The following ABTB3 variants were observed in gnomAD, a reference collection of about 807,000 sequenced individuals.
ABTB3 encodes the protein ankyrin repeat and BTB domain containing 3.
chr12:107,340,125 C>A, the ABTB3 span, among the ~76,000 whole-genome samples: 1 of 152,010 alleles, frequency 6.6e-6, no homozygotes, highest in Non-Finnish European at 1.5e-5. Context: ...ATTATGCTGA[C>A]TTCACATTAA....
chr12:107,533,668 A>G, the ABTB3 span, among the ~76,000 whole-genome samples: 8 of 152,366 alleles, frequency 5.3e-5, 1 homozygote, highest in Admixed American at 5.2e-4. Context: ...ACTGCAATAC[A>G]ATAATAGTAG....
the ABTB3 span, among the ~76,000 whole-genome samples, chr12:107,383,492 G>A: frequency 6.6e-6 from 1 of 152,150 alleles, no homozygotes; most frequent in Non-Finnish European, 1.5e-5. Context: ...TGTAAAATGA[G>A]GATAACCATA....
chr12:107,391,038 C>T, the ABTB3 span, among the ~76,000 whole-genome samples: 2 of 152,166 alleles, frequency 1.3e-5, no homozygotes, highest in African/African-American at 4.8e-5. Flanking sequence ...GTAATCCCAG[C>T]TACTTGGGAG....
At chr12:107,627,639 C>T in the ABTB3 span, among the ~76,000 whole-genome samples, 2 of 152,150 alleles carry the variant, frequency 1.3e-5, no homozygotes. Context: ...ACATAGCCTG[C>T]AGCCATGGTG....
chr12:107,481,627 G>A, the ABTB3 span, among the ~76,000 whole-genome samples: 1 of 152,118 alleles, frequency 6.6e-6, no homozygotes, highest in Non-Finnish European at 1.5e-5. Flanking sequence ...GTATCCATGA[G>A]GACTCTTCCA....
chr12:107,318,905 G>A, the ABTB3 span: 2 of 1,546,292 alleles, frequency 1.3e-6, no homozygotes, highest in Non-Finnish European at 1.8e-6. Context: ...CCTTCCCTTT[G>A]GCTCCCAGGC....
the ABTB3 span, among the ~76,000 whole-genome samples, chr12:107,513,966 C>A: frequency 6.6e-6 from 1 of 152,220 alleles, no homozygotes; most frequent in South Asian, 2.1e-4. Context: ...CCATTTGAAT[C>A]CAGACATTAA....
the ABTB3 span, among the ~76,000 whole-genome samples, chr12:107,630,248 G>A: frequency 6.6e-6 from 1 of 152,314 alleles, no homozygotes; most frequent in Middle Eastern, 3.4e-3. Context: ...GAACCAGCCA[G>A]TGCTTGGCAT....
the ABTB3 span, among the ~76,000 whole-genome samples, chr12:107,545,896 C>A: frequency 6.6e-6 from 1 of 152,258 alleles, no homozygotes; most frequent in Non-Finnish European, 1.5e-5. Flanking sequence ...GCTCAGCTCC[C>A]TCATGTCATC....
chr12:107,473,543 G>A, the ABTB3 span, among the ~76,000 whole-genome samples: 7 of 152,116 alleles, frequency 4.6e-5, no homozygotes, highest in Admixed American at 1.3e-4. Context: ...TAATAGAGAC[G>A]GGGTTTCACC....
At chr12:107,623,358 CTTTTTTTTTT>C in the ABTB3 span, among the ~76,000 whole-genome samples, 26 of 69,622 alleles carry the variant, frequency 3.7e-4, no homozygotes, top group Non-Finnish European at 6.2e-4. Flanking sequence ...CACGCCTGGC[CTTTTTTTTTT>C]TTTTTTTTTT....
the ABTB3 span, among the ~76,000 whole-genome samples, chr12:107,529,848 A>G: frequency 6.6e-6 from 1 of 152,174 alleles, no homozygotes; most frequent in African/African-American, 2.4e-5. Context: ...AGGACAATGG[A>G]TGAGGCATGG....
chr12:107,630,047 G>A, the ABTB3 span, among the ~76,000 whole-genome samples: 3 of 152,296 alleles, frequency 2.0e-5, no homozygotes, highest in East Asian at 5.8e-4. Context: ...ACTGCCTGGA[G>A]GAGGAGCACT....
chr12:107,649,344 C>A, the ABTB3 span: 1 of 1,402,222 alleles, frequency 7.1e-7, no homozygotes, highest in South Asian at 1.2e-5. Context: ...AAACTCGGGT[C>A]ACCAGCCTGC....
the ABTB3 span, among the ~76,000 whole-genome samples, chr12:107,384,527 C>T: frequency 2.0e-5 from 3 of 152,040 alleles, no homozygotes; most frequent in Non-Finnish European, 4.4e-5. Context: ...AAGAGGTGCC[C>T]GAAGGAAACT....
At chr12:107,412,732 C>A in the ABTB3 span, among the ~76,000 whole-genome samples, 1 of 151,928 alleles carries the variant, frequency 6.6e-6, no homozygotes, top group East Asian at 1.9e-4. Flanking sequence ...AGGTAAGAAA[C>A]CACTGAATTA....
the ABTB3 span, among the ~76,000 whole-genome samples, chr12:107,508,545 C>A: frequency 6.9e-6 from 1 of 145,884 alleles, no homozygotes; most frequent in Admixed American, 7.2e-5. Context: ...ACCTCCACCT[C>A]CGGGGTTCAA....
the ABTB3 span, among the ~76,000 whole-genome samples, chr12:107,638,846 C>T: frequency 1.3e-5 from 2 of 152,168 alleles, no homozygotes; most frequent in African/African-American, 4.8e-5. Context: ...GCCAAGGTTA[C>T]AGAGCTGAGA....
the ABTB3 span, among the ~76,000 whole-genome samples, chr12:107,530,212 C>A: frequency 6.6e-6 from 1 of 152,224 alleles, no homozygotes; most frequent in Non-Finnish European, 1.5e-5. Context: ...GACCGTCAGG[C>A]TTCCCAGTGC....
Sources: gnomAD v4.1 joint callset for allele counts (sites outside exome capture counted in the v4.1 genomes callset) on GRCh38, gnomAD v4.1.1 for gene constraint, MANE v1.5 for transcripts, NCBI Gene and HGNC (gene_info 2026-07-23, HGNC 2026-07-21) for gene names.